Variants in CSMD1 observed in about 807,000 individuals in gnomAD.
CSMD1 encodes the protein CUB and Sushi multiple domains 1.
A neutral mutation model predicts 417.5 loss-of-function variants in CSMD1; 213 were observed. That is an observed-to-expected ratio of 0.51 (90% CI 0.46 to 0.57). The LOEUF (loss-of-function observed/expected upper bound fraction) is 0.57. Ranked by LOEUF, CSMD1 falls within the 20% of genes least tolerant of loss-of-function variation. The probability of loss-of-function intolerance (pLI) is 0.00; values close to 1 mark genes in which losing one functional copy is unlikely to be tolerated. For synonymous variants in CSMD1, 2,862 were observed against 1,736.8 expected (o/e 1.65, Z -16.11); for missense variants, 6,923 against 4,529.7 (o/e 1.53, Z -15.17).
At chr8:3,900,855 C>T (rs1368344156) in intron 5 of CSMD1, among the ~76,000 whole-genome samples, 1 of 152,202 alleles carries the variant, frequency 6.6e-6, no homozygotes, top group Admixed American at 6.5e-5. Context: ...CCGAGCATTA[C>T]TTTTTCAGCC....
At chr8:3,757,591 A>G (rs1457267981) in intron 5 of CSMD1, among the ~76,000 whole-genome samples, 2 of 152,156 alleles carry the variant, frequency 1.3e-5, no homozygotes, top group Non-Finnish European at 2.9e-5. Context: ...GACCCGGTGC[A>G]GTGGCTCACC....
intron 1 of CSMD1, among the ~76,000 whole-genome samples, chr8:4,791,003 G>C (rs1580189): frequency 0.55 from 84,237 of 152,004 alleles, 23,493 homozygotes; most frequent in Non-Finnish European, 0.59. Flanking sequence ...AGACTAAAAA[G>C]TTCTGCACTG....
intron 2 of CSMD1, among the ~76,000 whole-genome samples, chr8:4,428,311 A>G (rs1405452871): frequency 6.6e-6 from 1 of 152,184 alleles, no homozygotes; most frequent in Admixed American, 6.5e-5. Flanking sequence ...TTCACATCTA[A>G]CGAGTCCCAA....
intron 2 of CSMD1, among the ~76,000 whole-genome samples, chr8:4,569,367 G>A (rs1318302750): frequency 6.6e-6 from 1 of 152,292 alleles, no homozygotes; most frequent in South Asian, 2.1e-4. Context: ...CATATGGCTA[G>A]TCAGCTTTCC....
At chr8:4,134,096 A>G (rs1019472689) in intron 3 of CSMD1, among the ~76,000 whole-genome samples, 3 of 152,204 alleles carry the variant, frequency 2.0e-5, no homozygotes, top group Non-Finnish European at 4.4e-5. Context: ...TCAACTCAAC[A>G]TCAATATTGC....
intron 1 of CSMD1, among the ~76,000 whole-genome samples, chr8:4,804,969 T>C (rs1462501509): frequency 6.6e-6 from 1 of 152,198 alleles, no homozygotes; most frequent in East Asian, 1.9e-4. Context: ...TGAAATTAAT[T>C]TCCACTTCCT....
At chr8:4,178,202 T>A (rs1798163681) in intron 3 of CSMD1, among the ~76,000 whole-genome samples, 2 of 152,234 alleles carry the variant, frequency 1.3e-5, no homozygotes, top group African/African-American at 2.4e-5. Flanking sequence ...GCAGACCGAA[T>A]CCAGCAGCAC....
At chr8:4,314,947 A>G (rs1046323960) in intron 3 of CSMD1, among the ~76,000 whole-genome samples, 1 of 152,194 alleles carries the variant, frequency 6.6e-6, no homozygotes, top group African/African-American at 2.4e-5. Flanking sequence ...TGGGGTTGAC[A>G]TTCTACATGG....
chr8:4,152,026 C>T lies in CSMD1; in HGVS notation c.416-119927G>A, dbSNP rs1021664374. ...ATTTTAACGTAATCAATGTGTTTAG[C>T]TCGATACCTTCATTTGACTATGCTT... On this transcript the variant is annotated intron_variant, in intron 3 of 69. Coordinates refer to ENST00000635120, the MANE Select transcript of CSMD1 (RefSeq NM_033225.6). 2.6e-5 allele frequency among the ~76,000 whole-genome samples: 4 copies of T among 152,188 alleles called. 1 individual carries two copies. Among genetic ancestry groups the T allele is most frequent in the Middle Eastern group, 6.8e-3 (2 of 294 alleles).
At chr8:4,036,084 T>G (rs779274459) in intron 3 of CSMD1, among the ~76,000 whole-genome samples, 1 of 152,232 alleles carries the variant, frequency 6.6e-6, no homozygotes, top group Non-Finnish European at 1.5e-5. Flanking sequence ...TTCAGCCACA[T>G]GCTGTACAGG....
intron 3 of CSMD1, among the ~76,000 whole-genome samples, chr8:4,104,639 A>G (rs1434496759): frequency 6.6e-6 from 1 of 152,196 alleles, no homozygotes; most frequent in South Asian, 2.1e-4. Context: ...CTAGTTTGTC[A>G]TACATGGGAA....
At chr8:4,775,668 T>A (rs1256487307) in intron 1 of CSMD1, among the ~76,000 whole-genome samples, 2 of 152,158 alleles carry the variant, frequency 1.3e-5, no homozygotes, top group African/African-American at 2.4e-5. Context: ...TTATGCTGTT[T>A]AAGAGGAAAG....
chr8:4,527,894 G>A (rs137906259), intron 2 of CSMD1, among the ~76,000 whole-genome samples: 227 of 152,310 alleles, frequency 1.5e-3, no homozygotes, highest in Middle Eastern at 0.01. Flanking sequence ...AACAGGGGAA[G>A]ATAAGGCAAC....
chr8:4,327,477 G>T (rs1032853), intron 3 of CSMD1, among the ~76,000 whole-genome samples: 147,061 of 152,220 alleles, frequency 0.97, 71,255 homozygotes, highest in East Asian at 1. Flanking sequence ...AGGTAACTGG[G>T]GATGAGCCAT....
At chr8:3,997,005 T>G (rs1161201413) in intron 5 of CSMD1, among the ~76,000 whole-genome samples, 3 of 152,156 alleles carry the variant, frequency 2.0e-5, no homozygotes, top group Non-Finnish European at 1.5e-5. Flanking sequence ...CATTCCATAT[T>G]CCCCTCTTCC....
At chr8:3,984,766 T>G (rs1814191041) in intron 5 of CSMD1, among the ~76,000 whole-genome samples, 1 of 141,142 alleles carries the variant, frequency 7.1e-6, no homozygotes, top group African/African-American at 2.6e-5. Flanking sequence ...TATGTATTTG[T>G]GCGTGTGTGT....
chr8:4,429,974 G>T (rs539654683), intron 2 of CSMD1, among the ~76,000 whole-genome samples: 2 of 152,156 alleles, frequency 1.3e-5, no homozygotes, highest in Non-Finnish European at 2.9e-5. Flanking sequence ...GAATCCACTG[G>T]AAGCTGAGCT....
intron 27 of CSMD1, among the ~76,000 whole-genome samples, chr8:3,227,624 G>C (rs185066317): frequency 6.6e-6 from 1 of 152,232 alleles, no homozygotes; most frequent in Admixed American, 6.5e-5. Context: ...GGCATCAGTG[G>C]TGTAGTTGTG....
chr8:4,325,746 G>A (rs1363132318), intron 3 of CSMD1, among the ~76,000 whole-genome samples: 1 of 152,120 alleles, frequency 6.6e-6, no homozygotes, highest in South Asian at 2.1e-4. Flanking sequence ...AGGCGTGAAT[G>A]TTATTCCTGT....
Sources: gnomAD v4.1 joint callset for allele counts (sites outside exome capture counted in the v4.1 genomes callset) on GRCh38, gnomAD v4.1.1 for gene constraint, MANE v1.5 for transcripts, NCBI Gene and HGNC (gene_info 2026-07-23, HGNC 2026-07-21) for gene names.